The following CDH18 variants were observed in gnomAD, a reference collection of about 807,000 sequenced individuals.
CDH18 encodes the protein cadherin 18.
In CDH18, 31 loss-of-function variants were observed where a neutral mutation model predicts 67.9. That is an observed-to-expected ratio of 0.46 (90% CI 0.34 to 0.62). The LOEUF (loss-of-function observed/expected upper bound fraction) is 0.62. Among genes scored for constraint, CDH18 ranks in the 20% least tolerant of loss-of-function variants. The pLI is 0.01. For synonymous variants in CDH18, 362 were observed against 347.2 expected (o/e 1.04, Z -0.48); for missense variants, 890 against 975.5 (o/e 0.91, Z 1.17).
intron 1 of CDH18, among the ~76,000 whole-genome samples, chr5:20,285,521 A>G (rs889853975): frequency 6.6e-6 from 1 of 150,814 alleles, no homozygotes; most frequent in Non-Finnish European, 1.5e-5. Context: ...TTACATTTCA[A>G]GTTATTTGAT....
chr5:19,965,911 G>C (rs1797389314), intron 2 of CDH18, among the ~76,000 whole-genome samples: 1 of 152,126 alleles, frequency 6.6e-6, no homozygotes. Context: ...ACATGACAGA[G>C]ACAGTGTGCA....
rs556846980 is a variant in CDH18, at chr5:20,300,815, A to C, written c.-579-45310T>G. ...TTCTATAAGAATCATTTTCACTAAA[A>C]TAGTTTGAACAAGTCAACTTATTTT... On this transcript the variant is annotated intron_variant, in intron 1 of 14. Transcript: ENST00000507958. Among the ~76,000 whole-genome samples the C allele has an allele frequency of 2.0e-5, 3 of 152,352 alleles. No homozygotes were observed. In the East Asian group the frequency reaches 5.8e-4, roughly 29 times the overall value.
chr5:19,893,776 A>T (rs1284947601), intron 2 of CDH18, among the ~76,000 whole-genome samples: 1 of 152,132 alleles, frequency 6.6e-6, no homozygotes, highest in Non-Finnish European at 1.5e-5. Flanking sequence ...TTGCTCACCT[A>T]AATTCTCTTT....
intron 1 of CDH18, among the ~76,000 whole-genome samples, chr5:20,322,452 A>T (rs1738128521): frequency 6.6e-6 from 1 of 152,168 alleles, no homozygotes; most frequent in Non-Finnish European, 1.5e-5. Flanking sequence ...GGAGTGTGTC[A>T]GCCCTGCATC....
Position 19,742,734 on chromosome 5 carries a change from A to ACTCT in CDH18, c.523+4204_523+4207dup, listed in dbSNP as rs146611270. 7.9e-3 allele frequency among the ~76,000 whole-genome samples: 1,165 copies of ACTCT among 146,870 alleles called. 12 individuals carry two copies. The highest frequency in any genetic ancestry group is 0.027 in the African/African-American group (1,102 of 40,348). On this transcript the variant is annotated intron_variant, in intron 4 of 12. Coordinates refer to ENST00000382275, the MANE Select transcript of CDH18 (RefSeq NM_004934.5). The stretch of plus-strand genomic sequence containing the variant: ...AGCTCTCAGCACATAAAGTGCATTT[A>ACTCT]CTCTCTCTCTCTCTCTCTCTCTCAC...
intron 2 of CDH18, among the ~76,000 whole-genome samples, chr5:20,092,483 A>C (rs1745528282): frequency 6.6e-6 from 1 of 152,244 alleles, no homozygotes; most frequent in African/African-American, 2.4e-5. Flanking sequence ...ATAGTCTACT[A>C]TTAAAAAAAT....
intron 8 of CDH18, among the ~76,000 whole-genome samples, chr5:19,566,224 C>A (rs1473937994): frequency 6.6e-6 from 1 of 152,066 alleles, no homozygotes; most frequent in Non-Finnish European, 1.5e-5. Flanking sequence ...CAGGCAATAA[C>A]AAATGATGGC....
At chr5:20,312,313 T>G (rs1406583855) in intron 1 of CDH18, among the ~76,000 whole-genome samples, 1 of 152,180 alleles carries the variant, frequency 6.6e-6, no homozygotes, top group African/African-American at 2.4e-5. Flanking sequence ...CATTCCTTTC[T>G]CATTGTTAAC....
At chr5:19,635,359 A>G (rs950706908) in intron 5 of CDH18, among the ~76,000 whole-genome samples, 1 of 152,194 alleles carries the variant, frequency 6.6e-6, no homozygotes, top group Non-Finnish European at 1.5e-5. Flanking sequence ...GAGTGCTTCA[A>G]TTACATTAAA....
chr5:19,546,744 T>C (rs1736387219), intron 8 of CDH18, among the ~76,000 whole-genome samples: 1 of 152,044 alleles, frequency 6.6e-6, no homozygotes, highest in African/African-American at 2.4e-5. Context: ...TGAACACACA[T>C]GGCAGAAGAT....
chr5:20,438,226 T>C (rs1056511486), intron 1 of CDH18, among the ~76,000 whole-genome samples: 1 of 120,802 alleles, frequency 8.3e-6, no homozygotes. Flanking sequence ...TTCTTGCCCC[T>C]GCCCCCAAAT....
At chr5:19,524,272 T>C (rs1178166923) in intron 9 of CDH18, among the ~76,000 whole-genome samples, 2 of 150,070 alleles carry the variant, frequency 1.3e-5, no homozygotes, top group Admixed American at 6.7e-5. Flanking sequence ...TATCTACTTA[T>C]AGTAAAAGAT....
At chr5:20,136,273 C>T (rs933715322) in intron 2 of CDH18, among the ~76,000 whole-genome samples, 4 of 152,150 alleles carry the variant, frequency 2.6e-5, no homozygotes, top group African/African-American at 9.7e-5. Flanking sequence ...AATCTGGGTG[C>T]TCCTGTATTG....
At chr5:20,063,919 T>C (rs1200345667) in intron 2 of CDH18, among the ~76,000 whole-genome samples, 4 of 152,172 alleles carry the variant, frequency 2.6e-5, no homozygotes, top group Admixed American at 1.3e-4. Flanking sequence ...AAACAACTGC[T>C]ACTTAACAGT....
At chr5:20,526,508 C>T (rs1384029811) in intron 1 of CDH18, among the ~76,000 whole-genome samples, 1 of 152,046 alleles carries the variant, frequency 6.6e-6, no homozygotes, top group Non-Finnish European at 1.5e-5. Flanking sequence ...TGGGAGAGCT[C>T]TGGCTGGCAC....
intron 1 of CDH18, among the ~76,000 whole-genome samples, chr5:20,322,292 A>G (rs1315567575): frequency 6.6e-6 from 1 of 152,166 alleles, no homozygotes; most frequent in South Asian, 2.1e-4. Flanking sequence ...GATATTAATT[A>G]TTATTATAAC....
At chr5:20,257,092 G>C (rs997188409) in intron 1 of CDH18, among the ~76,000 whole-genome samples, 1 of 151,984 alleles carries the variant, frequency 6.6e-6, no homozygotes, top group African/African-American at 2.4e-5. Flanking sequence ...AGGGTTACTA[G>C]AACACCTCCA....
intron 2 of CDH18, among the ~76,000 whole-genome samples, chr5:19,995,267 T>A (rs1370663722): frequency 6.6e-6 from 1 of 152,086 alleles, no homozygotes; most frequent in Non-Finnish European, 1.5e-5. Context: ...TCACGCCTAT[T>A]TCTAGGTTTC....
intron 1 of CDH18, among the ~76,000 whole-genome samples, chr5:20,413,435 A>G (rs893202232): frequency 5.3e-5 from 8 of 152,186 alleles, no homozygotes; most frequent in East Asian, 1.9e-4. Context: ...CCAACAGTGT[A>G]AAAGCATTCC....
Sources: gnomAD v4.1 joint callset for allele counts (sites outside exome capture counted in the v4.1 genomes callset) on GRCh38, gnomAD v4.1.1 for gene constraint, MANE v1.5 for transcripts, NCBI Gene and HGNC (gene_info 2026-07-23, HGNC 2026-07-21) for gene names.